The following AZIN2 variants were observed in gnomAD, a reference collection of about 807,000 sequenced individuals.
The protein encoded by AZIN2 is antizyme inhibitor 2.
A neutral mutation model predicts 47.8 loss-of-function variants in AZIN2; 28 were observed. That is an observed-to-expected ratio of 0.59 (90% CI 0.43 to 0.80). The LOEUF is 0.80. Ranked by LOEUF, AZIN2 falls within the 30% of genes least tolerant of loss-of-function variation. The pLI is 0.00. For synonymous variants in AZIN2, 221 were observed against 239.4 expected (o/e 0.92, Z 0.71); for missense variants, 535 against 582.5 (o/e 0.92, Z 0.84).
intron 5 of AZIN2, among the ~76,000 whole-genome samples, chr1:33,085,768 C>T (rs952017658): frequency 5.3e-5 from 8 of 152,140 alleles, no homozygotes; most frequent in African/African-American, 1.9e-4. Context: ...TCATGCTTTG[C>T]ACACCTCGTT....
the AZIN2 span, among the ~76,000 whole-genome samples, chr1:33,138,452 G>C: frequency 6.6e-6 from 1 of 152,074 alleles, no homozygotes; most frequent in African/African-American, 2.4e-5. Flanking sequence ...CTTGAGACCA[G>C]GAGTTCAAGA....
the AZIN2 span, among the ~76,000 whole-genome samples, chr1:33,140,124 G>A: frequency 6.6e-6 from 1 of 152,120 alleles, no homozygotes; most frequent in Non-Finnish European, 1.5e-5. This position sits in a 1 kb window ranked among gnomAD's most constrained non-coding sequence, Gnocchi z 4.0. Context: ...GGGAGAGAGG[G>A]GTACCAATGG....
intron 5 of AZIN2, 129 bp downstream of exon 5, chr1:33,084,256 C>A: frequency 9.3e-7 from 1 of 1,075,428 alleles, no homozygotes; most frequent in South Asian, 1.5e-5. Flanking sequence ...GGAAGACCAC[C>A]CACTCAGGAG....
intron 10 of AZIN2, among the ~76,000 whole-genome samples, chr1:33,115,520 A>G (rs368058062): frequency 6.6e-6 from 1 of 152,136 alleles, no homozygotes. Flanking sequence ...CCTGGCCAAC[A>G]TGGCAAAATC....
chr1:33,117,878 C>T (rs963737286), intron 10 of AZIN2, 24 bp from the exon 11 acceptor site: 2 of 1,613,446 alleles, frequency 1.2e-6, no homozygotes, highest in South Asian at 1.1e-5. Flanking sequence ...GGAGAGCTGG[C>T]ATGGCCATCC....
At chr1:33,094,770 G>A in intron 8 of AZIN2, 57 bp downstream of exon 8, 2 of 1,591,490 alleles carry the variant, frequency 1.3e-6, no homozygotes, top group South Asian at 1.1e-5. Context: ...GATAGGGAGG[G>A]ATTAGATGAT....
chr1:33,164,042 G>A, the AZIN2 span: 1 of 152,312 alleles, frequency 6.6e-6, no homozygotes, highest in African/African-American at 2.4e-5. Flanking sequence ...CTCTCATACA[G>A]AGAGAGGCTT....
chr1:33,159,953 G>T, the AZIN2 span: 25 of 1,599,634 alleles, frequency 1.6e-5, no homozygotes, highest in Non-Finnish European at 2.1e-5. The surrounding 1 kb of genome is among the most constrained non-coding windows in gnomAD (Gnocchi z 4.2). Flanking sequence ...GACTGTGGGG[G>T]ACAGTCGTCA....
chr1:33,117,078 G>GA (rs1180276021), intron 10 of AZIN2, among the ~76,000 whole-genome samples: 10 of 152,184 alleles, frequency 6.6e-5, no homozygotes, highest in Admixed American at 1.3e-4. Flanking sequence ...AATCATTTAA[G>GA]AAAAAATCTT....
At chr1:33,084,205 C>T in intron 5 of AZIN2, 78 bp downstream of exon 5, 2 of 1,561,492 alleles carry the variant, frequency 1.3e-6, no homozygotes, top group East Asian at 4.5e-5. Flanking sequence ...CAGGTGGGCT[C>T]TGGGGAGCAA....
chr1:33,107,818 G>A (rs60351330), intron 10 of AZIN2, among the ~76,000 whole-genome samples: 2,894 of 151,538 alleles, frequency 0.019, 76 homozygotes, highest in East Asian at 0.08. Flanking sequence ...TGATGAAGGA[G>A]ATAAAAAAGG....
chr1:33,120,422 G>C lies in AZIN2; in HGVS notation c.*240G>C, dbSNP rs1001785064. ...TGTGTCTGCCTCCTCTGCAGTGCAA[G>C]GGGCCTGGTCAGCCAGGTGTGGGGG... On this transcript the variant is annotated 3_prime_UTR_variant, in exon 12 of 12. Transcript: ENST00000294517. 9 of 545,842 alleles carry C rather than the reference G, an allele frequency of 1.6e-5. No homozygotes were observed. Among genetic ancestry groups the C allele is most frequent in the Non-Finnish European group, 2.5e-5 (8 of 325,612 alleles). 33.8% of individuals were successfully genotyped at this position (545,842 alleles called of 1,614,324 possible).
Position 33,084,296 on chromosome 1 carries a change from G to A in AZIN2, c.279+169G>A, listed in dbSNP as rs138205242. On this transcript the variant is annotated intron_variant, in intron 5 of 11. Transcript: ENST00000294517. ...CTCAAGGGATGAGGGAGGGAGAAAC[G>A]AGCATGGAATTTGTCAGCCTTGAAG... 8.8e-4 allele frequency among the ~76,000 whole-genome samples: 134 copies of A among 152,288 alleles called. 3 individuals are homozygous for A. The East Asian group carries it at 0.021, about 24-fold the overall frequency.
rs906645506 is a variant in AZIN2 at position 33,094,532 on chromosome 1, C to T, written c.588-16C>T. 11 of 1,603,828 alleles carry T rather than the reference C, an allele frequency of 6.9e-6. No homozygotes were observed. Among genetic ancestry groups the T allele is most frequent in the Non-Finnish European group, 9.4e-6 (11 of 1,172,008 alleles). On this transcript the variant is annotated splice_polypyrimidine_tract_variant and intron_variant, in intron 7 of 11. Coordinates refer to ENST00000294517, the MANE Select transcript of AZIN2 (RefSeq NM_052998.4). ...GGAGCCCTGCATGTCAGCCGAGGCT[C>T]TTCCTCTCTTCCCAGTTTTCACATT...
At chr1:33,103,672 G>T (rs1211073177) in intron 10 of AZIN2, among the ~76,000 whole-genome samples, 2 of 152,120 alleles carry the variant, frequency 1.3e-5, no homozygotes, top group African/African-American at 2.4e-5. Flanking sequence ...CAGCCACGTT[G>T]TCCAGTTAGT....
intron 5 of AZIN2, among the ~76,000 whole-genome samples, chr1:33,090,846 C>T (rs1260988385): frequency 1.3e-5 from 2 of 152,232 alleles, no homozygotes; most frequent in African/African-American, 2.4e-5. Context: ...CTTCTTCCCA[C>T]TGCCCCCTCG....
the AZIN2 span, chr1:33,159,986 A>T: frequency 1.3e-6 from 2 of 1,583,760 alleles, no homozygotes; most frequent in Non-Finnish European, 1.7e-6. The surrounding 1 kb of genome is among the most constrained non-coding windows in gnomAD (Gnocchi z 4.2). Context: ...GGGGGAGCAG[A>T]TGGGGTGATC....
intron 10 of AZIN2, among the ~76,000 whole-genome samples, chr1:33,104,891 G>T (rs558584674): frequency 2.9e-4 from 44 of 152,216 alleles, no homozygotes; most frequent in African/African-American, 1.0e-3. Context: ...CAGAGATGGG[G>T]TTTTGCCATG....
In AZIN2 at chr1:33,120,100, T is replaced by C. The variant is rs913122591; in HGVS notation, c.1301T>C (p.Val434Ala). The C allele has an allele frequency of 7.4e-6, 12 of 1,613,848 alleles. No individual in the cohort carries two copies. The highest frequency in any genetic ancestry group is 1.0e-5 in the Non-Finnish European group (12 of 1,179,930). Residue 434 changes from valine to alanine, a missense_variant, in exon 12 of 12, where the codon GTG (valine) becomes GCG (alanine). By Grantham distance (64) the Val-to-Ala change is moderately conservative. Transcript: ENST00000294517. ...GAACAGGAGGATGACGTGGAGGGTG[T>C]GTGCAAGCCTCTGTCCTGCGGCTGG... ...AAEQEDDVEG[V>A]CKPLSCGWEI...
Sources: allele counts gnomAD v4.1 joint callset (sites outside exome capture counted in the v4.1 genomes callset), GRCh38; gene constraint gnomAD v4.1.1; non-coding constraint Gnocchi (gnomAD v3.1); transcripts MANE v1.5; gene names NCBI Gene and HGNC (gene_info 2026-07-23, HGNC 2026-07-21).